The following MYO1E variants were observed in gnomAD, a reference collection of about 807,000 sequenced individuals.
The protein encoded by MYO1E is myosin IE.
Under a neutral mutation model 151.1 loss-of-function variants are expected in MYO1E, and 68 were observed. The ratio of observed to expected loss-of-function variants is 0.45; its 90% CI spans 0.37 to 0.55. The LOEUF is 0.55. MYO1E is among the 20% of genes least tolerant of loss of function. The pLI, the probability that MYO1E is intolerant of heterozygous loss-of-function variation, is 0.00. For missense variants in MYO1E, 1,363 were observed against 1,389.3 expected, an observed-to-expected ratio of 0.98 and a Z score of 0.30; for synonymous variants, 601 against 501.7, an observed-to-expected ratio of 1.20 and a Z score of -2.64.
At chr15:59,218,150 C>A (rs2079931577) in intron 9 of MYO1E, 63 bp from the exon 10 acceptor site, 1 of 1,586,038 alleles carries the variant, frequency 6.3e-7, no homozygotes, top group Non-Finnish European at 8.7e-7. Context: ...AGTCATCTCA[C>A]AAACATATGG....
chr15:59,278,318 A>G (rs2080333664), intron 1 of MYO1E, among the ~76,000 whole-genome samples: 1 of 152,216 alleles, frequency 6.6e-6, no homozygotes, highest in Admixed American at 6.5e-5. Context: ...TACGGTGAAC[A>G]ATGGACAATG....
At chr15:59,220,275 C>CCCAT (rs2079946056) in intron 9 of MYO1E, among the ~76,000 whole-genome samples, 1 of 152,124 alleles carries the variant, frequency 6.6e-6, no homozygotes, top group Non-Finnish European at 1.5e-5. Context: ...GTGGCAAAAC[C>CCCAT]CCATCTCTAC....
At chr15:59,245,358 T>C (rs575132730) in intron 4 of MYO1E, among the ~76,000 whole-genome samples, 14 of 152,208 alleles carry the variant, frequency 9.2e-5, no homozygotes, top group Non-Finnish European at 1.6e-4. Context: ...CTAAAATATA[T>C]GTTGAAGCAC....
At chr15:59,273,565 T>C (rs1032717417) in intron 1 of MYO1E, among the ~76,000 whole-genome samples, 1 of 152,182 alleles carries the variant, frequency 6.6e-6, no homozygotes, top group Non-Finnish European at 1.5e-5. Context: ...GCAGAAGAAA[T>C]GACTTCCCAG....
intron 6 of MYO1E, among the ~76,000 whole-genome samples, chr15:59,230,386 T>C (rs189649257): frequency 6.6e-6 from 1 of 152,222 alleles, no homozygotes; most frequent in Admixed American, 6.5e-5. Flanking sequence ...CCAAATATAA[T>C]GAATAATTTA....
At chr15:59,227,666 A>G in intron 6 of MYO1E, 76 bp from the exon 7 acceptor site, 1 of 1,550,402 alleles carries the variant, frequency 6.4e-7, no homozygotes, top group East Asian at 2.3e-5. Context: ...TGAATACAGT[A>G]TATAATTCAA....
intron 3 of MYO1E, 137 bp downstream of exon 3, chr15:59,261,283 C>A (rs1365971075): frequency 9.1e-6 from 4 of 438,782 alleles, no homozygotes; most frequent in Middle Eastern, 5.5e-4. Context: ...CATTAAAAAT[C>A]AAACAATGTC....
intron 5 of MYO1E, among the ~76,000 whole-genome samples, chr15:59,234,974 G>A (rs930269935): frequency 3.3e-5 from 5 of 152,164 alleles, no homozygotes; most frequent in Non-Finnish European, 7.3e-5. Flanking sequence ...GCATACTGGT[G>A]ATGAGCGCCA....
At chr15:59,244,503 C>T (rs1376789722) in intron 4 of MYO1E, among the ~76,000 whole-genome samples, 1 of 152,152 alleles carries the variant, frequency 6.6e-6, no homozygotes, top group Non-Finnish European at 1.5e-5. Context: ...GGTCACACGC[C>T]TTAGACAGAG....
chr15:59,202,533 C>A, intron 15 of MYO1E, 126 bp from the exon 16 acceptor site: 1 of 839,724 alleles, frequency 1.2e-6, no homozygotes, highest in Non-Finnish European at 2.0e-6. Flanking sequence ...GAAAAGCCAT[C>A]TGACTCACAG....
chr15:59,191,370 A>G (rs55996669), intron 17 of MYO1E, among the ~76,000 whole-genome samples: 46,248 of 122,328 alleles, frequency 0.38, 8,709 homozygotes, highest in Middle Eastern at 0.48. Flanking sequence ...GAGAGAGAGA[A>G]AGAAATGTCA....
At chr15:59,329,926 C>G (rs2080688313) in intron 1 of MYO1E, among the ~76,000 whole-genome samples, 1 of 152,154 alleles carries the variant, frequency 6.6e-6, no homozygotes, top group African/African-American at 2.4e-5. Context: ...TAAATGGGAA[C>G]CCAGTCAGAT....
chr15:59,163,665 GT>G (rs1415152077), intron 22 of MYO1E, among the ~76,000 whole-genome samples: 1 of 152,168 alleles, frequency 6.6e-6, no homozygotes, highest in African/African-American at 2.4e-5. Flanking sequence ...ATAGAATGCA[GT>G]TGAAAAGGGA....
At chr15:59,325,286 T>C in intron 1 of MYO1E, among the ~76,000 whole-genome samples, 1 of 152,218 alleles carries the variant, frequency 6.6e-6, no homozygotes, top group Non-Finnish European at 1.5e-5. Flanking sequence ...CCACCTACCT[T>C]GGCCTCCCAA....
At chr15:59,326,768 A>G (rs1455095111) in intron 1 of MYO1E, among the ~76,000 whole-genome samples, 9 of 152,230 alleles carry the variant, frequency 5.9e-5, no homozygotes, top group African/African-American at 1.9e-4. Context: ...CTTTAATTAA[A>G]GATGATGTAT....
intron 15 of MYO1E, among the ~76,000 whole-genome samples, chr15:59,203,510 GCTGGGA>G (rs1386277446): frequency 1.3e-5 from 2 of 152,088 alleles, no homozygotes; most frequent in East Asian, 3.9e-4. Context: ...CTCCTGAGTA[GCTGGGA>G]CTACAAGTGC....
chr15:59,335,940 G>A (rs932560125), intron 1 of MYO1E, among the ~76,000 whole-genome samples: 5 of 151,616 alleles, frequency 3.3e-5, no homozygotes, highest in Non-Finnish European at 5.9e-5. Flanking sequence ...ACCCGGCTGT[G>A]TGCTGTGGGC....
Position 59,227,540 on chromosome 15 carries a change from T to C in MYO1E, c.561A>G (p.Gly187=), listed in dbSNP as rs1323444934. 1.2e-6 allele frequency: 2 copies of C among 1,614,082 alleles called. No individual in the cohort carries two copies. The highest frequency in any genetic ancestry group is 1.7e-6 in the Non-Finnish European group (2 of 1,180,014). The change falls in exon 7 of 28, where the codon GGA becomes GGG. Residue 187 remains glycine (G), a synonymous_variant. Coordinates refer to ENST00000288235, the MANE Select transcript of MYO1E (RefSeq NM_004998.4). ...TTTCCAGAAGGAAGTTGGAGATCTT[T>C]CCACCATCTGGTTCCCCACCTGGAC... ...QFSPGGEPDG[G]KISNFLLEKS... is the part of the protein sequence containing the mutation.
At chr15:59,225,862 G>A (rs1056117279) in intron 7 of MYO1E, among the ~76,000 whole-genome samples, 1 of 152,078 alleles carries the variant, frequency 6.6e-6, no homozygotes, top group Admixed American at 6.6e-5. Context: ...TAGCCAGGAT[G>A]GTCTCGATCT....
Sources: gnomAD v4.1 joint callset for allele counts (sites outside exome capture counted in the v4.1 genomes callset) on GRCh38, gnomAD v4.1.1 for gene constraint, MANE v1.5 for transcripts, NCBI Gene and HGNC (gene_info 2026-07-23, HGNC 2026-07-21) for gene names.